The following AGAP1 variants were observed in gnomAD, a reference collection of about 807,000 sequenced individuals.
AGAP1 encodes the protein ArfGAP with GTPase domain, ankyrin repeat and PH domain 1, also known as arf-GAP with GTPase, ANK repeat and PH domain-containing protein 1.
AGAP1 carries 29 observed loss-of-function variants against 105.3 expected under a neutral mutation model. The observed-to-expected ratio is 0.28, with a 90% CI of 0.21 to 0.38. AGAP1 has a LOEUF of 0.38. AGAP1 is among the 10% of genes least tolerant of loss of function. AGAP1 has a pLI of 1.00. For missense variants in AGAP1, 998 were observed against 1,165.1 expected, an observed-to-expected ratio of 0.86 and a Z score of 2.09; for synonymous variants, 509 against 485.9, an observed-to-expected ratio of 1.05 and a Z score of -0.63.
chr2:235,810,871 C>T (rs999934456), intron 9 of AGAP1, among the ~76,000 whole-genome samples: 5 of 130,564 alleles, frequency 3.8e-5, no homozygotes, highest in East Asian at 2.2e-4. Flanking sequence ...AAGGTCTATT[C>T]GAGTAAAAAT....
intron 12 of AGAP1, among the ~76,000 whole-genome samples, chr2:235,946,917 C>T (rs897807298): frequency 5.9e-5 from 9 of 152,144 alleles, no homozygotes; most frequent in African/African-American, 1.9e-4. Flanking sequence ...CCTTTCTGAC[C>T]CCAGTTTAAA....
At position 236,051,271 on chromosome 2, in the gene AGAP1, G is replaced by A. The variant is rs2057886419; in HGVS notation, c.2114+1990G>A. On this transcript the variant is annotated intron_variant, in intron 16 of 17. Coordinates refer to ENST00000304032, the MANE Select transcript of AGAP1 (RefSeq NM_001037131.3). This position sits in a 1 kb window ranked among gnomAD's most constrained non-coding sequence, Gnocchi z 5.9. ...TTTGTGCCTGTAGTAATTTTCCTGG[G>A]GAGTTTTGTTTTCAGTGAAAATCAG... Among the ~76,000 whole-genome samples the A allele has an allele frequency of 6.6e-6, 1 of 152,186 alleles. No individual in the cohort carries two copies. The highest frequency in any genetic ancestry group is 1.5e-5 in the Non-Finnish European group (1 of 68,044).
intron 1 of AGAP1, among the ~76,000 whole-genome samples, chr2:235,627,060 C>G (rs918837020): frequency 6.6e-6 from 1 of 152,126 alleles, no homozygotes; most frequent in Non-Finnish European, 1.5e-5. Context: ...AAAAGTAAGA[C>G]ATAGCGTGGA....
At chr2:236,079,561 C>A (rs201489675) in intron 16 of AGAP1, among the ~76,000 whole-genome samples, 3 of 119,328 alleles carry the variant, frequency 2.5e-5, no homozygotes, top group Admixed American at 8.5e-5. Flanking sequence ...TATACACACA[C>A]ACACACACAT....
In AGAP1 at chr2:235,736,268, GT is replaced by G. The variant is rs1559413915; in HGVS notation, c.311-4693del. Among the ~76,000 whole-genome samples the G allele has an allele frequency of 1.3e-5, 2 of 152,060 alleles. No homozygotes were observed. The highest frequency in any genetic ancestry group is 4.8e-5 in the African/African-American group (2 of 41,424). ...TTCCCACGGAGCTCGCCTAGCACCT[GT>G]TCACAGGTGTGCCTGGGCCAGATGC... On this transcript the variant is annotated intron_variant, in intron 3 of 17. Coordinates refer to ENST00000304032, the MANE Select transcript of AGAP1 (RefSeq NM_001037131.3). This position sits in a 1 kb window ranked among gnomAD's most constrained non-coding sequence, Gnocchi z 5.5.
intron 1 of AGAP1, among the ~76,000 whole-genome samples, chr2:235,698,238 T>C (rs1404340499): frequency 6.6e-6 from 1 of 151,628 alleles, no homozygotes; most frequent in Non-Finnish European, 1.5e-5. Flanking sequence ...GGTGTGAGCT[T>C]ATGGGGAGCA....
At chr2:235,876,108 T>A (rs1245527044) in intron 9 of AGAP1, among the ~76,000 whole-genome samples, 5 of 152,172 alleles carry the variant, frequency 3.3e-5, no homozygotes, top group Non-Finnish European at 7.3e-5. Context: ...CCAATAGAGG[T>A]GTGCATTGCC....
rs2055448894 is a variant in AGAP1 at position 235,989,141 on chromosome 2, C to T, written c.1645+20518C>T. Among the ~76,000 whole-genome samples, 1 of 152,196 alleles carries T rather than the reference C, an allele frequency of 6.6e-6. No homozygotes were observed. Among genetic ancestry groups the T allele is most frequent in the Non-Finnish European group, 1.5e-5 (1 of 68,032 alleles). On this transcript the variant is annotated intron_variant, in intron 13 of 17. Transcript: ENST00000304032. The surrounding 1 kb of genome is among the most constrained non-coding windows in gnomAD (Gnocchi z 4.4). Reference sequence around the variant, plus strand: ...TGATGATGGTTGTTGTTATTTAAAACTGCAAGACGTAGGCAATACCAGGTC... The same window carrying T: ...TGATGATGGTTGTTGTTATTTAAAATTGCAAGACGTAGGCAATACCAGGTC...
rs144525158 is a variant in AGAP1 at position 235,867,785 on chromosome 2, G to A, written c.1051-15560G>A. ...GCATCACCTGGATGTACCATTTTCCGCATGGAGCTGGTGCCGTGGGGGAAG... is the reference window on the plus strand; with the variant it reads ...GCATCACCTGGATGTACCATTTTCCACATGGAGCTGGTGCCGTGGGGGAAG... On this transcript the variant is annotated intron_variant, in intron 9 of 17. Coordinates refer to ENST00000304032, the MANE Select transcript of AGAP1 (RefSeq NM_001037131.3). The surrounding 1 kb of genome is among the most constrained non-coding windows in gnomAD (Gnocchi z 5.4). Among the ~76,000 whole-genome samples the A allele has an allele frequency of 5.3e-3, 801 of 152,238 alleles. 3 individuals carry two copies. The highest frequency in any genetic ancestry group is 9.3e-3 in the Non-Finnish European group (631 of 68,014).
intron 16 of AGAP1, among the ~76,000 whole-genome samples, chr2:236,115,549 T>C (rs572725270): frequency 1.9e-4 from 29 of 152,288 alleles, no homozygotes; most frequent in African/African-American, 6.5e-4. Context: ...GATGGGAGCA[T>C]CCACAGGAGG....
At chr2:235,682,087 G>C (rs933221551) in intron 1 of AGAP1, among the ~76,000 whole-genome samples, 3 of 151,720 alleles carry the variant, frequency 2.0e-5, no homozygotes, top group African/African-American at 7.3e-5. Flanking sequence ...TCCTGACCTT[G>C]TGATCCACGC....
At chr2:235,668,807 A>G (rs889666511) in intron 1 of AGAP1, among the ~76,000 whole-genome samples, 5 of 152,204 alleles carry the variant, frequency 3.3e-5, no homozygotes, top group Non-Finnish European at 7.3e-5. Context: ...ATTTTAACCA[A>G]TTTAATCTTC....
At chr2:236,034,345 A>T (rs907861012) in intron 13 of AGAP1, among the ~76,000 whole-genome samples, 1 of 151,780 alleles carries the variant, frequency 6.6e-6, no homozygotes, top group African/African-American at 2.4e-5. Flanking sequence ...TGAGTGTTTA[A>T]GGTCGTTGTT....
chr2:235,810,626 A>G (rs1390823265), intron 9 of AGAP1, among the ~76,000 whole-genome samples: 3 of 152,178 alleles, frequency 2.0e-5, no homozygotes, highest in African/African-American at 7.2e-5. Context: ...GTAAGCATCC[A>G]GGCTCCCCCC....
At chr2:235,933,399 CA>C (rs2052821626) in intron 12 of AGAP1, among the ~76,000 whole-genome samples, 1 of 152,104 alleles carries the variant, frequency 6.6e-6, no homozygotes, top group East Asian at 1.9e-4. Flanking sequence ...CCAGCACTGC[CA>C]AATTAGCATC....
At chr2:235,974,636 C>T (rs1019379042) in intron 13 of AGAP1, among the ~76,000 whole-genome samples, 11 of 152,202 alleles carry the variant, frequency 7.2e-5, no homozygotes, top group African/African-American at 2.7e-4. Flanking sequence ...AAGTCACAAA[C>T]GGGCCTCTCA....
At position 235,712,897 on chromosome 2, in the gene AGAP1, A is replaced by T. The variant is rs1950923360; in HGVS notation, c.222+3660A>T. Among the ~76,000 whole-genome samples the T allele has an allele frequency of 6.6e-6, 1 of 151,970 alleles. No homozygotes were observed. Among genetic ancestry groups the T allele is most frequent in the Non-Finnish European group, 1.5e-5 (1 of 67,990 alleles). ...GTGACACACTTGAAACGGCATTTTG[A>T]CCCCTTATTTTATTTTCCTTTCACC... On this transcript the variant is annotated intron_variant, in intron 2 of 17. Transcript: ENST00000304032. This position sits in a 1 kb window ranked among gnomAD's most constrained non-coding sequence, Gnocchi z 6.0.
chr2:235,770,812 G>A (rs181478206), intron 6 of AGAP1, among the ~76,000 whole-genome samples: 101 of 152,300 alleles, frequency 6.6e-4, no homozygotes, highest in Non-Finnish European at 4.3e-4. Flanking sequence ...CCTGTACCGA[G>A]ATGGTGTGGT....
chr2:236,009,957 G>GA lies in AGAP1; in HGVS notation c.1646-26602dup, dbSNP rs1439934873. 2.0e-5 allele frequency among the ~76,000 whole-genome samples: 3 copies of GA among 152,130 alleles called. No individual in the cohort carries two copies. The highest frequency in any genetic ancestry group is 7.2e-5 in the African/African-American group (3 of 41,432). The stretch of plus-strand genomic sequence containing the variant: ...GTGGTTTCCTGGTACAATGATGGAG[G>GA]AAGAGTTTGGAATAAAACCCTGCTC... On this transcript the variant is annotated intron_variant, in intron 13 of 17. Transcript: ENST00000304032. This position sits in a 1 kb window ranked among gnomAD's most constrained non-coding sequence, Gnocchi z 4.2.
Sources: gnomAD v4.1 joint callset for allele counts (sites outside exome capture counted in the v4.1 genomes callset) on GRCh38, gnomAD v4.1.1 for gene constraint, Gnocchi (gnomAD v3.1) non-coding constraint, MANE v1.5 for transcripts, NCBI Gene and HGNC (gene_info 2026-07-23, HGNC 2026-07-21) for gene names.